The following REPS1 variants were observed in gnomAD, a reference collection of about 807,000 sequenced individuals.
The protein encoded by REPS1 is RALBP1 associated Eps domain containing 1, also known as ralBP1-associated Eps domain-containing protein 1.
A neutral mutation model predicts 100.9 loss-of-function variants in REPS1; 39 were observed. The ratio of observed to expected loss-of-function variants is 0.39; its 90% CI spans 0.30 to 0.50. The LOEUF (loss-of-function observed/expected upper bound fraction) is 0.50. Ranked by LOEUF, REPS1 falls within the 20% of genes least tolerant of loss-of-function variation. REPS1 has a pLI of 0.86. For synonymous variants in REPS1, 324 were observed against 340.3 expected (o/e 0.95, Z 0.53); for missense variants, 821 against 968.5 (o/e 0.85, Z 2.02).
chr6:138,981,884 C>T (rs941619480), intron 1 of REPS1, among the ~76,000 whole-genome samples: 2 of 151,688 alleles, frequency 1.3e-5, no homozygotes, highest in African/African-American at 4.9e-5. Context: ...TACTAAAACT[C>T]TAACTCTGGG....
rs376516158 is a variant in REPS1, at chr6:138,923,013, AC to A, written c.1339-1890del. Among the ~76,000 whole-genome samples, 707 of 152,328 alleles carry A rather than the reference AC, an allele frequency of 4.6e-3. 4 individuals carry two copies. Among genetic ancestry groups the A allele is most frequent in the African/African-American group, 0.016 (668 of 41,568 alleles). ...TCATTCAAAGTAATTTCTTGCCCCT[AC>A]ACCACAGAGAATCTGGACAGGGTTC... On this transcript the variant is annotated intron_variant, in intron 10 of 19. Coordinates refer to ENST00000450536, the MANE Select transcript of REPS1 (RefSeq NM_001286611.2).
chr6:138,964,263 T>C lies in REPS1; in HGVS notation c.154-16350A>G, dbSNP rs139917730. Among the ~76,000 whole-genome samples, 150 of 152,234 alleles carry C rather than the reference T, an allele frequency of 9.9e-4. 1 individual carries two copies. The highest frequency in any genetic ancestry group is 3.4e-3 in the Middle Eastern group (1 of 294). ...CCATTTTACTTATCTATAACTTCCA[T>C]TTTACATTTCAACCACTTTCCTACC... is the stretch of plus-strand genomic sequence containing the variant. On this transcript the variant is annotated intron_variant, in intron 1 of 19. Transcript: ENST00000450536.
chr6:138,941,289 T>C (rs1782231303), intron 8 of REPS1, 46 bp downstream of exon 8: 13 of 1,594,554 alleles, frequency 8.2e-6, no homozygotes, highest in South Asian at 1.1e-5. Flanking sequence ...TCAAGCATTA[T>C]GTTTATCAAG....
intron 1 of REPS1, among the ~76,000 whole-genome samples, chr6:138,954,241 A>T (rs1273289778): frequency 1.3e-5 from 2 of 152,128 alleles, no homozygotes; most frequent in South Asian, 2.1e-4. Flanking sequence ...ACTAGATAGG[A>T]GGAATAAGTT....
chr6:138,976,815 CTAATG>C (rs1303076508), intron 1 of REPS1, among the ~76,000 whole-genome samples: 1 of 152,106 alleles, frequency 6.6e-6, no homozygotes, highest in Admixed American at 6.6e-5. Flanking sequence ...TAGCTTGATG[CTAATG>C]TAATGTAATG....
intron 1 of REPS1, among the ~76,000 whole-genome samples, chr6:138,958,911 G>A (rs185089700): frequency 6.6e-6 from 1 of 152,194 alleles, no homozygotes; most frequent in African/African-American, 2.4e-5. Flanking sequence ...AACTCTCCAA[G>A]GAGAAAATTA....
chr6:138,955,440 TAAAA>T (rs71645327), intron 1 of REPS1, among the ~76,000 whole-genome samples: 5 of 97,528 alleles, frequency 5.1e-5, no homozygotes, highest in Non-Finnish European at 7.7e-5. Flanking sequence ...CCTGTCTCTT[TAAAA>T]AAAAAAAAAA....
chr6:138,927,585 T>C lies in REPS1; in HGVS notation c.1258-1104A>G, dbSNP rs568292854. 254 of 152,268 alleles carry C rather than the reference T, an allele frequency of 1.7e-3. 2 individuals carry two copies. Among genetic ancestry groups the C allele is most frequent in the African/African-American group, 5.8e-3 (243 of 41,572 alleles). 9.4% of individuals were successfully genotyped at this position (152,268 alleles called of 1,614,324 possible). ...ACATTTTTATGCTTCAAAGTTCAAC[T>C]TACTATTTAAAATAGTGACATTTAA... On this transcript the variant is annotated intron_variant, in intron 9 of 19. Transcript: ENST00000450536.
intron 1 of REPS1, among the ~76,000 whole-genome samples, chr6:138,952,318 CA>C (rs1199232401): frequency 6.6e-6 from 1 of 151,574 alleles, no homozygotes; most frequent in Non-Finnish European, 1.5e-5. Flanking sequence ...AAGACTCTAC[CA>C]AAAAACTCTC....
intron 13 of REPS1, among the ~76,000 whole-genome samples, chr6:138,916,896 A>G (rs1780436346): frequency 6.6e-6 from 1 of 152,236 alleles, no homozygotes; most frequent in Non-Finnish European, 1.5e-5. Flanking sequence ...ATGCTAAGAA[A>G]CACAGGAAGA....
In REPS1 at chr6:138,926,487, C is replaced by G. The variant is rs1479124816; in HGVS notation, c.1258-6G>C. On this transcript the variant is annotated splice_polypyrimidine_tract_variant and splice_region_variant and intron_variant, in intron 9 of 19. Coordinates refer to ENST00000450536, the MANE Select transcript of REPS1 (RefSeq NM_001286611.2). ...TCACTAAATGTCTCCCACTGCTGAACAGACAGAGGAGAGACAAGTCAGCAT... is the reference window on the plus strand; with the variant it reads ...TCACTAAATGTCTCCCACTGCTGAAGAGACAGAGGAGAGACAAGTCAGCAT... 6.2e-7 allele frequency: 1 copy of G among 1,600,302 alleles called. No homozygotes were observed. The highest frequency in any genetic ancestry group is 8.6e-7 in the Non-Finnish European group (1 of 1,168,790).
chr6:138,955,457 A>AAGTGTGTGTGTGTGTGT (rs10689184), intron 1 of REPS1, among the ~76,000 whole-genome samples: 3,496 of 90,290 alleles, frequency 0.039, 98 homozygotes, highest in Non-Finnish European at 0.044. Context: ...AAAAAAAAAA[A>AAGTGTGTGTGTGTGTGT]GTGTGTGTGT....
At chr6:138,973,661 T>C (rs11962973) in intron 1 of REPS1, among the ~76,000 whole-genome samples, 28,757 of 141,502 alleles carry the variant, frequency 0.2, 4,121 homozygotes, top group African/African-American at 0.38. Context: ...CCCAGCTCAA[T>C]GACTTACTAG....
intron 5 of REPS1, 71 bp downstream of exon 5, chr6:138,944,427 T>C: frequency 6.6e-7 from 1 of 1,517,172 alleles, no homozygotes. Context: ...AACAGCAAAA[T>C]ATAAAAACAA....
At chr6:138,947,075 T>TCTCC (rs1333302241) in intron 2 of REPS1, among the ~76,000 whole-genome samples, 2 of 141,444 alleles carry the variant, frequency 1.4e-5, no homozygotes, top group Non-Finnish European at 3.1e-5. Context: ...TCTCTCTCTC[T>TCTCC]CCTGTGGCCA....
intron 1 of REPS1, among the ~76,000 whole-genome samples, chr6:138,969,269 A>ATT (rs71013004): frequency 0.1 from 7,458 of 74,052 alleles, 1,599 homozygotes; most frequent in South Asian, 0.25. Flanking sequence ...CAAAGCTGTA[A>ATT]TTTTTTTTTT....
At chr6:138,934,414 T>C (rs1781674830) in intron 8 of REPS1, 1 of 457,622 alleles carries the variant, frequency 2.2e-6, no homozygotes, top group Non-Finnish European at 4.6e-6. Flanking sequence ...CGTACAAAAG[T>C]GTGTCTGAAA....
At chr6:138,917,429 C>A in intron 13 of REPS1, 126 bp downstream of exon 13, 1 of 696,542 alleles carries the variant, frequency 1.4e-6, no homozygotes, top group Non-Finnish European at 2.4e-6. Context: ...TTGTCTTTTA[C>A]ATAAATCAAA....
intron 1 of REPS1, among the ~76,000 whole-genome samples, chr6:138,962,866 A>C (rs1783817574): frequency 6.6e-6 from 1 of 152,242 alleles, no homozygotes; most frequent in Non-Finnish European, 1.5e-5. Context: ...TGGTTGGATG[A>C]ATGAAATGTT....
Sources: allele counts gnomAD v4.1 joint callset (sites outside exome capture counted in the v4.1 genomes callset), GRCh38; gene constraint gnomAD v4.1.1; transcripts MANE v1.5; gene names NCBI Gene and HGNC (gene_info 2026-07-23, HGNC 2026-07-21).